PARVA: variants seen among roughly 807,000 people sequenced by gnomAD.
PARVA encodes alpha-parvin.
Under a neutral mutation model 52.6 loss-of-function variants are expected in PARVA, and 25 were observed. The ratio of observed to expected loss-of-function variants is 0.48; its 90% CI spans 0.35 to 0.66. The LOEUF (loss-of-function observed/expected upper bound fraction) is 0.66. Ranked by LOEUF, PARVA falls within the 30% of genes least tolerant of loss-of-function variation. PARVA has a pLI of 0.01. For synonymous variants in PARVA, 185 were observed against 179.1 expected, an observed-to-expected ratio of 1.03 and a Z score of -0.26; for missense variants, 373 against 450.9, an observed-to-expected ratio of 0.83 and a Z score of 1.56.
intron 1 of PARVA, among the ~76,000 whole-genome samples, chr11:12,454,264 C>T (rs1437375724): frequency 6.6e-6 from 1 of 152,060 alleles, no homozygotes; most frequent in Non-Finnish European, 1.5e-5. Context: ...TCAGTGGAGA[C>T]CAGTGAAGAT....
rs182712474 is a variant in PARVA at position 12,451,124 on chromosome 11, G to T, written c.137-22621G>T. 2.6e-5 allele frequency among the ~76,000 whole-genome samples: 4 copies of T among 152,260 alleles called. No homozygotes were observed. In the East Asian group the frequency reaches 5.8e-4, roughly 22 times the overall value. On this transcript the variant is annotated intron_variant, in intron 1 of 12. Coordinates refer to ENST00000334956, the MANE Select transcript of PARVA (RefSeq NM_018222.5). ...TTGGTCAGTGTGCTGTGTTTTTCTTGCCCTGATGCTTTCCTGTGGCTCTTT... is the reference window on the plus strand; with the variant it reads ...TTGGTCAGTGTGCTGTGTTTTTCTTTCCCTGATGCTTTCCTGTGGCTCTTT...
chr11:12,414,636 C>A (rs1269785509), intron 1 of PARVA, among the ~76,000 whole-genome samples: 1 of 109,436 alleles, frequency 9.1e-6, no homozygotes. Flanking sequence ...CTGAAAATTT[C>A]ATTTTTTTTT....
intron 1 of PARVA, among the ~76,000 whole-genome samples, chr11:12,452,418 T>A (rs1940635221): frequency 6.6e-6 from 1 of 152,010 alleles, no homozygotes; most frequent in Non-Finnish European, 1.5e-5. Flanking sequence ...CTAGTTTAAG[T>A]TATCTCACCT....
intron 9 of PARVA, 38 bp from the exon 10 acceptor site, chr11:12,513,959 G>T: frequency 1.9e-6 from 3 of 1,567,296 alleles, no homozygotes; most frequent in Non-Finnish European, 2.6e-6. Context: ...GCACTAGTGC[G>T]AGTCCCCAGC....
chr11:12,485,959 C>A (rs936463878), intron 4 of PARVA, among the ~76,000 whole-genome samples: 4 of 152,142 alleles, frequency 2.6e-5, no homozygotes, highest in Non-Finnish European at 5.9e-5. Context: ...AAAACCATCA[C>A]AGAACAGAGG....
At chr11:12,493,957 C>A (rs1032319474) in intron 4 of PARVA, among the ~76,000 whole-genome samples, 3 of 152,264 alleles carry the variant, frequency 2.0e-5, no homozygotes, top group Admixed American at 6.5e-5. Flanking sequence ...CAAGTTCAGA[C>A]CTCTGGTACT....
intron 4 of PARVA, chr11:12,478,191 A>T: frequency 3.4e-6 from 2 of 588,154 alleles, no homozygotes; most frequent in Non-Finnish European, 6.3e-6. Context: ...AGCAGCCAAG[A>T]ATCATCAGCT....
intron 1 of PARVA, among the ~76,000 whole-genome samples, chr11:12,384,533 G>A (rs567943782): frequency 6.6e-6 from 1 of 152,308 alleles, no homozygotes; most frequent in South Asian, 2.1e-4. Context: ...GCAGAATAAA[G>A]CAAGAAAAAG....
chr11:12,475,946 G>A (rs773932162), intron 3 of PARVA, among the ~76,000 whole-genome samples: 1 of 152,248 alleles, frequency 6.6e-6, no homozygotes, highest in African/African-American at 2.4e-5. Context: ...GGTGCAGGCT[G>A]TGCCTGCCGC....
At chr11:12,517,480 T>TACCCCC in intron 10 of PARVA, 130 bp from the exon 11 acceptor site, 1 of 694,258 alleles carries the variant, frequency 1.4e-6, no homozygotes, top group Non-Finnish European at 2.6e-6. Flanking sequence ...CCACTGCCCC[T>TACCCCC]ACCCCCGAGC....
chr11:12,392,264 T>C (rs1490424455), intron 1 of PARVA, among the ~76,000 whole-genome samples: 1 of 149,558 alleles, frequency 6.7e-6, no homozygotes, highest in Non-Finnish European at 1.5e-5. Flanking sequence ...TGTACTTCAT[T>C]CCTTTTTTTT....
chr11:12,502,702 G>A (rs1036841419), intron 5 of PARVA, among the ~76,000 whole-genome samples: 1 of 152,082 alleles, frequency 6.6e-6, no homozygotes, highest in Non-Finnish European at 1.5e-5. Flanking sequence ...GTTCAACAGT[G>A]GCTAGAATTT....
intron 3 of PARVA, among the ~76,000 whole-genome samples, chr11:12,475,204 C>A (rs902872010): frequency 6.6e-6 from 1 of 152,184 alleles, no homozygotes; most frequent in Non-Finnish European, 1.5e-5. Flanking sequence ...CGCTCCCCAC[C>A]GCCAAAGCCT....
upstream of PARVA, chr11:12,376,682 G>C (rs992469759): frequency 1.0e-6 from 1 of 971,470 alleles, no homozygotes; most frequent in Non-Finnish European, 1.2e-6. Flanking sequence ...CTGTGAGTCT[G>C]TGTGTGAGAG....
chr11:12,505,075 A>G (rs191992517), intron 6 of PARVA, among the ~76,000 whole-genome samples: 99 of 152,276 alleles, frequency 6.5e-4, no homozygotes, highest in African/African-American at 2.1e-3. Context: ...AATTTCCACA[A>G]TGAGGGTGTG....
chr11:12,459,886 A>G (rs946621449), intron 1 of PARVA, among the ~76,000 whole-genome samples: 1 of 152,214 alleles, frequency 6.6e-6, no homozygotes, highest in African/African-American at 2.4e-5. Context: ...GTCAGAAAAA[A>G]AATCAACCAT....
intron 1 of PARVA, among the ~76,000 whole-genome samples, chr11:12,467,378 G>C (rs1019753356): frequency 6.6e-6 from 1 of 152,114 alleles, no homozygotes; most frequent in African/African-American, 2.4e-5. Context: ...TTCTTCTCTT[G>C]TGTTATTGTA....
chr11:12,486,628 T>C (rs2135050476), intron 4 of PARVA, among the ~76,000 whole-genome samples: 1 of 152,134 alleles, frequency 6.6e-6, no homozygotes, highest in East Asian at 1.9e-4. Context: ...GGCAGATCAC[T>C]TGAGGCCAGG....
At chr11:12,423,383 G>A (rs1217974586) in intron 1 of PARVA, among the ~76,000 whole-genome samples, 4 of 144,060 alleles carry the variant, frequency 2.8e-5, no homozygotes, top group African/African-American at 1.0e-4. Flanking sequence ...TAGAGACAGG[G>A]TTTTGCCATG....
Sources: allele counts gnomAD v4.1 joint callset (sites outside exome capture counted in the v4.1 genomes callset), GRCh38; gene constraint gnomAD v4.1.1; transcripts MANE v1.5; gene names NCBI Gene and HGNC (gene_info 2026-07-23, HGNC 2026-07-21).